RUFY1: variants seen among roughly 807,000 people sequenced by gnomAD.
The protein encoded by RUFY1 is RUN and FYVE domain containing 1.
A neutral mutation model predicts 94.6 loss-of-function variants in RUFY1; 54 were observed. The observed-to-expected ratio is 0.57, with a 90% CI of 0.46 to 0.72. The LOEUF is 0.72. RUFY1 is among the 30% of genes least tolerant of loss of function. The pLI is 0.00. For missense variants in RUFY1, 883 were observed against 883.9 expected (o/e 1.00, Z 0.01); for synonymous variants, 396 against 347.3 (o/e 1.14, Z -1.56).
chr5:179,556,535 C>T (rs1044397819), intron 1 of RUFY1, among the ~76,000 whole-genome samples: 1 of 151,326 alleles, frequency 6.6e-6, no homozygotes, highest in Non-Finnish European at 1.5e-5. Flanking sequence ...GGGTCTCACT[C>T]TGTTGCCCAG....
At chr5:179,552,916 C>T (rs1561944983) in intron 1 of RUFY1, among the ~76,000 whole-genome samples, 1 of 152,206 alleles carries the variant, frequency 6.6e-6, no homozygotes. Flanking sequence ...TAGTCTTAAA[C>T]CTGTACAAGT....
Position 179,602,002 on chromosome 5 carries a change from C to A in RUFY1, c.1856+16C>A. The A allele has an allele frequency of 6.3e-7, 1 of 1,591,534 alleles. No homozygotes were observed. Among genetic ancestry groups the A allele is most frequent in the Admixed American group, 1.7e-5 (1 of 59,938 alleles). On this transcript the variant is annotated intron_variant, in intron 15 of 17. Coordinates refer to ENST00000319449, the MANE Select transcript of RUFY1 (RefSeq NM_025158.5). ...ACCTCAGCCAGTAAGAACCCCACTC[C>A]CCTTGTCTGCCACTGCAGGCACACC...
chr5:179,560,395 T>G (rs1762350085), intron 2 of RUFY1, among the ~76,000 whole-genome samples, 197 bp downstream of exon 2: 1 of 152,154 alleles, frequency 6.6e-6, no homozygotes, highest in Non-Finnish European at 1.5e-5. Flanking sequence ...ATAGGCAATT[T>G]TAAAGTTTCT....
At chr5:179,551,462 A>G (rs1438384727) in intron 1 of RUFY1, among the ~76,000 whole-genome samples, 1 of 152,214 alleles carries the variant, frequency 6.6e-6, no homozygotes, top group East Asian at 1.9e-4. Flanking sequence ...AACAGCACGC[A>G]TATGTTTTTG....
At chr5:179,591,369 A>T (rs1368094259) in intron 9 of RUFY1, among the ~76,000 whole-genome samples, 1 of 151,334 alleles carries the variant, frequency 6.6e-6, no homozygotes, top group Non-Finnish European at 1.5e-5. Context: ...TGTTTTTAGT[A>T]GAGACGGGGT....
At chr5:179,583,348 A>G (rs1764314056) in intron 7 of RUFY1, among the ~76,000 whole-genome samples, 1 of 151,612 alleles carries the variant, frequency 6.6e-6, no homozygotes, top group African/African-American at 2.4e-5. Context: ...ATACGTTGCT[A>G]GCTTTTCAGT....
Position 179,609,672 on chromosome 5 carries a change from C to T in RUFY1, c.*153C>T, listed in dbSNP as rs546645383. ...ACTCCAGAAGACAGCGTGCCGGAAC[C>T]GGCAGCTCTCACCTTTCTGTGACTT... is the stretch of plus-strand genomic sequence containing the variant. On this transcript the variant is annotated 3_prime_UTR_variant, in exon 18 of 18. Coordinates refer to ENST00000319449, the MANE Select transcript of RUFY1 (RefSeq NM_025158.5). 1.3e-5 allele frequency: 9 copies of T among 676,618 alleles called. No homozygotes were observed. The Admixed American group carries it at 1.4e-4, about 11-fold the overall frequency. The allele number at this position is 676,618 out of a possible 1,614,324, so 41.9% of individuals were successfully genotyped here.
At chr5:179,594,063 G>A (rs1018499682) in intron 11 of RUFY1, among the ~76,000 whole-genome samples, 3 of 152,144 alleles carry the variant, frequency 2.0e-5, no homozygotes, top group Non-Finnish European at 4.4e-5. Context: ...CCAGCACTTT[G>A]GGAGGCCGAG....
chr5:179,577,895 A>G (rs1300071583), intron 6 of RUFY1, among the ~76,000 whole-genome samples: 1 of 150,958 alleles, frequency 6.6e-6, no homozygotes, highest in Non-Finnish European at 1.5e-5. Context: ...GGCAAAGAAC[A>G]CTTTTCTTGT....
chr5:179,558,592 A>G (rs1762226965), intron 1 of RUFY1, among the ~76,000 whole-genome samples: 1 of 151,244 alleles, frequency 6.6e-6, no homozygotes, highest in Non-Finnish European at 1.5e-5. Flanking sequence ...AAAAAATTAT[A>G]CCACCCCCAA....
intron 6 of RUFY1, among the ~76,000 whole-genome samples, chr5:179,578,450 C>G (rs1420594785): frequency 6.6e-6 from 1 of 151,826 alleles, no homozygotes; most frequent in Non-Finnish European, 1.5e-5. Context: ...AACTCCTGGC[C>G]TCAGGTGATC....
chr5:179,583,475 A>G (rs1320062391), intron 7 of RUFY1, among the ~76,000 whole-genome samples: 25 of 142,680 alleles, frequency 1.8e-4, no homozygotes, highest in East Asian at 1.1e-3. Context: ...GGAGTGCAGT[A>G]GCGCGATCTC....
chr5:179,598,485 T>C, intron 13 of RUFY1: 1 of 612,988 alleles, frequency 1.6e-6, no homozygotes. Flanking sequence ...GTGTCAAGTG[T>C]GTGCCTGCAG....
intron 3 of RUFY1, among the ~76,000 whole-genome samples, chr5:179,564,767 C>CAGA (rs10649343): frequency 0.15 from 22,180 of 152,028 alleles, 1,674 homozygotes; most frequent in South Asian, 0.22. Context: ...GAAAATGACA[C>CAGA]ATGTACAGAA....
intron 7 of RUFY1, among the ~76,000 whole-genome samples, chr5:179,584,120 T>C (rs768951886): frequency 6.6e-5 from 10 of 152,338 alleles, no homozygotes; most frequent in Non-Finnish European, 1.3e-4. Flanking sequence ...TTGACAATTG[T>C]ATACTCTTAA....
intron 2 of RUFY1, 149 bp from the exon 3 acceptor site, chr5:179,562,397 CT>C (rs1762523127): frequency 1.6e-6 from 1 of 614,800 alleles, no homozygotes; most frequent in Non-Finnish European, 3.0e-6. Context: ...TAGAGTAAGA[CT>C]CCATCTCAAA....
chr5:179,599,115 C>G (rs1293057910), intron 14 of RUFY1, among the ~76,000 whole-genome samples: 1 of 152,188 alleles, frequency 6.6e-6, no homozygotes, highest in African/African-American at 2.4e-5. Context: ...AGCAGAGGCT[C>G]CAGTGAGTTA....
In RUFY1 at chr5:179,550,586, G is replaced by T; in HGVS notation, c.17G>T (p.Gly6Val). Residue 6 changes from glycine (G) to valine (V), a missense_variant, in exon 1 of 18, where the codon GGC (glycine) becomes GTC (valine). Physicochemically the swap from Gly to Val is moderately radical, Grantham distance 109 (BLOSUM62 -3). Coordinates refer to ENST00000319449, the MANE Select transcript of RUFY1 (RefSeq NM_025158.5). MADREGGCAAGRGREL... is the reference protein window; with the variant it reads MADREVGCAAGRGREL... ...ACGGCCAAGATGGCCGACCGGGAAG[G>T]CGGCTGCGCTGCTGGGCGGGGGCGG... is the stretch of plus-strand genomic sequence containing the variant. The T allele has an allele frequency of 8.6e-7, 1 of 1,159,858 alleles. No individual in the cohort carries two copies. Among genetic ancestry groups the T allele is most frequent in the Non-Finnish European group, 1.1e-6 (1 of 947,944 alleles). 71.8% of individuals were successfully genotyped at this position (1,159,858 alleles called of 1,614,324 possible).
chr5:179,576,706 C>T (rs1385835138), intron 5 of RUFY1, among the ~76,000 whole-genome samples: 1 of 152,204 alleles, frequency 6.6e-6, no homozygotes, highest in African/African-American at 2.4e-5. Flanking sequence ...CAGGCGTGAG[C>T]CACCACGCCT....
Sources: allele counts gnomAD v4.1 joint callset (sites outside exome capture counted in the v4.1 genomes callset), GRCh38; gene constraint gnomAD v4.1.1; transcripts MANE v1.5; gene names NCBI Gene and HGNC (gene_info 2026-07-23, HGNC 2026-07-21).